Variants in PLPPR4 observed in about 807,000 individuals in gnomAD.
PLPPR4 encodes the protein phospholipid phosphatase related 4, also known as phospholipid phosphatase-related protein type 4.
PLPPR4 carries 24 observed loss-of-function variants against 56.6 expected under a neutral mutation model. The ratio of observed to expected loss-of-function variants is 0.42; its 90% CI spans 0.31 to 0.60. PLPPR4 has a LOEUF of 0.60. Among genes scored for constraint, PLPPR4 ranks in the 20% least tolerant of loss-of-function variants. The pLI is 0.13. For missense variants in PLPPR4, 654 were observed against 885.8 expected (o/e 0.74, Z 3.32); for synonymous variants, 326 against 328.1 (o/e 0.99, Z 0.07).
intron 1 of PLPPR4, among the ~76,000 whole-genome samples, chr1:99,276,660 A>C (rs1659192077): frequency 6.6e-6 from 1 of 152,156 alleles, no homozygotes; most frequent in African/African-American, 2.4e-5. Context: ...TATAAACTTT[A>C]TTTCTCAAGA....
chr1:99,291,476 G>A (rs1425980212), intron 2 of PLPPR4, among the ~76,000 whole-genome samples: 3 of 152,082 alleles, frequency 2.0e-5, no homozygotes, highest in African/African-American at 7.2e-5. Context: ...ACATGTACAC[G>A]TATATTCATT....
intron 6 of PLPPR4, among the ~76,000 whole-genome samples, chr1:99,303,582 A>G (rs776965809): frequency 2.6e-5 from 4 of 152,252 alleles, no homozygotes; most frequent in Non-Finnish European, 4.4e-5. Flanking sequence ...AAGAGCTGAC[A>G]GAAGTAAAAA....
rs755026626 is a variant in PLPPR4 at position 99,305,922 on chromosome 1, C to A, written c.1060C>A (p.Arg354=). Residue 354 remains arginine, a synonymous_variant, in exon 7 of 7, where the codon CGG becomes AGG. Coordinates refer to ENST00000370185, the MANE Select transcript of PLPPR4 (RefSeq NM_014839.5). The stretch of plus-strand genomic sequence containing the variant: ...TGCTGATGTGGAAATCATTACTCCA[C>A]GGAGCCCCATGGGGAAGGAGAACAT... The part of the protein sequence containing the change: ...ANADVEIITP[R]SPMGKENMVT... The A allele has an allele frequency of 2.6e-5, 42 of 1,613,938 alleles. No individual in the cohort carries two copies. The highest frequency in any genetic ancestry group is 2.4e-5 in the Non-Finnish European group (28 of 1,180,012).
chr1:99,281,405 G>T (rs934332367), intron 1 of PLPPR4, among the ~76,000 whole-genome samples: 1 of 152,114 alleles, frequency 6.6e-6, no homozygotes, highest in Non-Finnish European at 1.5e-5. Flanking sequence ...GACTCATTCT[G>T]ACCAATTATT....
At chr1:99,264,199 T>G, upstream of PLPPR4, 1 of 522,012 alleles carries the variant, frequency 1.9e-6, no homozygotes, top group Non-Finnish European at 3.3e-6. Context: ...AAACCAGGAG[T>G]GCGTCCTCCT....
At position 99,306,112 on chromosome 1, in the gene PLPPR4, T is replaced by C. The variant is rs749372872; in HGVS notation, c.1250T>C (p.Ile417Thr). 11 of 1,613,984 alleles carry C rather than the reference T, an allele frequency of 6.8e-6. No individual in the cohort carries two copies. The highest frequency in any genetic ancestry group is 1.1e-5 in the South Asian group (1 of 91,074). ...AGTCGAAAGTTGTCCTTGCAAGTTA[T>C]AGAGCCTGAGCCTGGGCAGTCACCA... ...NESRKLSLQV[I>T]EPEPGQSPPR... Residue 417 changes from isoleucine (I) to threonine (T), a missense_variant, in exon 7 of 7, where the codon ATA becomes ACA. Physicochemically the swap from Ile to Thr is moderately conservative, Grantham distance 89 (BLOSUM62 -1). Around this residue, in one of 2 missense-constraint regions of PLPPR4, gnomAD observed 468 missense variants for 554.3 expected, o/e 0.84. Coordinates refer to ENST00000370185, the MANE Select transcript of PLPPR4 (RefSeq NM_014839.5). The surrounding 1 kb of genome is among the most constrained non-coding windows in gnomAD (Gnocchi z 4.0).
At chr1:99,305,597 CTATG>C in intron 6 of PLPPR4, 84 bp from the exon 7 acceptor site, 2 of 1,244,726 alleles carry the variant, frequency 1.6e-6, no homozygotes, top group Non-Finnish European at 2.3e-6. Flanking sequence ...AAGCATATAC[CTATG>C]TATGTACTTC....
chr1:99,273,998 C>T (rs193126419), intron 1 of PLPPR4, among the ~76,000 whole-genome samples: 2 of 152,086 alleles, frequency 1.3e-5, no homozygotes, highest in South Asian at 2.1e-4. Context: ...TAATCTAGGA[C>T]TTACCTATGG....
intron 6 of PLPPR4, among the ~76,000 whole-genome samples, chr1:99,304,843 C>T (rs1294027741): frequency 6.6e-6 from 1 of 152,102 alleles, no homozygotes; most frequent in Non-Finnish European, 1.5e-5. Flanking sequence ...TACCAAGTAT[C>T]TCAAAAACTG....
chr1:99,290,664 A>G (rs1247095915), intron 2 of PLPPR4, among the ~76,000 whole-genome samples: 1 of 152,154 alleles, frequency 6.6e-6, no homozygotes, highest in African/African-American at 2.4e-5. Flanking sequence ...CTGATCTTTG[A>G]CAATCCTGAC....
chr1:99,280,455 G>T (rs1406739673), intron 1 of PLPPR4, among the ~76,000 whole-genome samples: 1 of 152,088 alleles, frequency 6.6e-6, no homozygotes, highest in Non-Finnish European at 1.5e-5. Context: ...ATAATTTCTT[G>T]ATTTCTTTCA....
intron 2 of PLPPR4, among the ~76,000 whole-genome samples, chr1:99,292,203 G>A (rs979288894): frequency 6.6e-6 from 1 of 152,102 alleles, no homozygotes; most frequent in African/African-American, 2.4e-5. Context: ...TGCTAGGAAA[G>A]CAAATTTAGT....
chr1:99,286,902 GTTGT>G (rs1659477046), intron 1 of PLPPR4, among the ~76,000 whole-genome samples: 1 of 152,280 alleles, frequency 6.6e-6, no homozygotes, highest in South Asian at 2.1e-4. Context: ...CTTTGTTGTT[GTTGT>G]TTGTTTGTTT....
chr1:99,278,521 A>G (rs1455286931), intron 1 of PLPPR4, among the ~76,000 whole-genome samples: 4 of 152,216 alleles, frequency 2.6e-5, no homozygotes, highest in Non-Finnish European at 4.4e-5. Context: ...AGGATTTAAA[A>G]GCAATTACTT....
intron 1 of PLPPR4, among the ~76,000 whole-genome samples, chr1:99,281,909 C>T (rs1164240148): frequency 6.6e-6 from 1 of 152,072 alleles, no homozygotes; most frequent in Non-Finnish European, 1.5e-5. Flanking sequence ...CATGAATATA[C>T]ACAACTATTT....
At chr1:99,264,809 T>G in intron 1 of PLPPR4, 138 bp downstream of exon 1, 1 of 835,008 alleles carries the variant, frequency 1.2e-6, no homozygotes. Flanking sequence ...CCCTCCCCTC[T>G]TCCCCTAGAT....
intron 1 of PLPPR4, among the ~76,000 whole-genome samples, chr1:99,287,673 C>T (rs1659499901): frequency 6.6e-6 from 1 of 151,952 alleles, no homozygotes; most frequent in South Asian, 2.1e-4. Context: ...TGAAATATTT[C>T]TACAAGACCC....
intron 2 of PLPPR4, among the ~76,000 whole-genome samples, chr1:99,292,948 T>G (rs1659658926): frequency 6.6e-6 from 1 of 152,134 alleles, no homozygotes; most frequent in South Asian, 2.1e-4. Flanking sequence ...AAAGTAAAAA[T>G]AACAGGCTCT....
chr1:99,275,626 T>G (rs1659166427), intron 1 of PLPPR4, among the ~76,000 whole-genome samples: 1 of 152,194 alleles, frequency 6.6e-6, no homozygotes, highest in African/African-American at 2.4e-5. Context: ...GCCACATTAT[T>G]CTTTGGCTGA....
Sources: gnomAD v4.1 joint callset for allele counts (sites outside exome capture counted in the v4.1 genomes callset) on GRCh38, gnomAD v4.1.1 for gene constraint, gnomAD v4.1.1 regional missense constraint, Gnocchi (gnomAD v3.1) non-coding constraint, MANE v1.5 for transcripts, NCBI Gene and HGNC (gene_info 2026-07-23, HGNC 2026-07-21) for gene names.